Variants in FBXL7 observed in about 807,000 individuals in gnomAD.
The protein encoded by FBXL7 is F-box and leucine rich repeat protein 7.
FBXL7 carries 12 observed loss-of-function variants against 38.3 expected under a neutral mutation model. The observed-to-expected ratio is 0.31, with a 90% confidence interval of 0.20 to 0.51. The LOEUF is 0.51. FBXL7 is among the 20% of genes least tolerant of loss of function. The pLI is 0.98. For synonymous variants in FBXL7, 297 were observed against 300.9 expected, an observed-to-expected ratio of 0.99 and a Z score of 0.13; for missense variants, 567 against 676.4, an observed-to-expected ratio of 0.84 and a Z score of 1.79.
intron 2 of FBXL7, among the ~76,000 whole-genome samples, chr5:15,840,806 C>T (rs1039506013): frequency 1.4e-5 from 2 of 147,182 alleles, no homozygotes; most frequent in Non-Finnish European, 3.0e-5. Flanking sequence ...GAGATCACGC[C>T]ACTGCACTCC....
intron 2 of FBXL7, among the ~76,000 whole-genome samples, chr5:15,717,909 A>G (rs1271497484): frequency 3.3e-5 from 5 of 151,364 alleles, no homozygotes; most frequent in Non-Finnish European, 5.9e-5. Context: ...CCAGCTTTAT[A>G]GATAATTTTT....
At chr5:15,920,839 TC>T (rs750287239) in intron 2 of FBXL7, among the ~76,000 whole-genome samples, 48 of 152,216 alleles carry the variant, frequency 3.2e-4, no homozygotes, top group Admixed American at 5.2e-4. Flanking sequence ...TCTTTTTGTG[TC>T]TTTTGGTTGT....
chr5:15,850,951 C>T (rs1209647539), intron 2 of FBXL7, among the ~76,000 whole-genome samples: 1 of 152,202 alleles, frequency 6.6e-6, no homozygotes, highest in Non-Finnish European at 1.5e-5. Context: ...CTGTCGCCAG[C>T]ATGTAAGAAC....
At chr5:15,612,537 C>A (rs1740282396) in intron 1 of FBXL7, among the ~76,000 whole-genome samples, 1 of 152,080 alleles carries the variant, frequency 6.6e-6, no homozygotes. Flanking sequence ...TTATTTTGTG[C>A]TTTCATTTTC....
chr5:15,887,999 G>C (rs530828753), intron 2 of FBXL7, among the ~76,000 whole-genome samples: 2 of 152,238 alleles, frequency 1.3e-5, no homozygotes, highest in East Asian at 3.9e-4. Context: ...AGAACCAAAA[G>C]TTCAGAATAT....
At chr5:15,771,828 T>TG (rs1369568923) in intron 2 of FBXL7, among the ~76,000 whole-genome samples, 1 of 145,590 alleles carries the variant, frequency 6.9e-6, no homozygotes, top group African/African-American at 2.6e-5. Context: ...CAGGCTGGAG[T>TG]GCGATCTTGG....
At chr5:15,871,035 G>A (rs1739934801) in intron 2 of FBXL7, among the ~76,000 whole-genome samples, 1 of 152,212 alleles carries the variant, frequency 6.6e-6, no homozygotes, top group Non-Finnish European at 1.5e-5. Context: ...CCCAGCAGGA[G>A]CTGACAAACA....
chr5:15,734,990 G>C (rs1735708545), intron 2 of FBXL7, among the ~76,000 whole-genome samples: 1 of 152,132 alleles, frequency 6.6e-6, no homozygotes, highest in Admixed American at 6.6e-5. Flanking sequence ...GGAGTACAAG[G>C]GCATGATCTT....
At chr5:15,517,130 C>T (rs1312156919) in intron 1 of FBXL7, among the ~76,000 whole-genome samples, 3 of 151,884 alleles carry the variant, frequency 2.0e-5, no homozygotes, top group African/African-American at 4.8e-5. Flanking sequence ...GGGTTCACGC[C>T]ATTCTCCTGC....
intron 2 of FBXL7, among the ~76,000 whole-genome samples, chr5:15,743,606 G>A (rs796406104): frequency 3.3e-5 from 5 of 152,292 alleles, no homozygotes; most frequent in Non-Finnish European, 4.4e-5. Context: ...CAAGCTGTTC[G>A]TGGATATACC....
In FBXL7 at chr5:15,737,353, A is replaced by G. The variant is rs558198938; in HGVS notation, c.127+121281A>G. Among the ~76,000 whole-genome samples the G allele has an allele frequency of 4.6e-5, 7 of 152,338 alleles. No individual in the cohort carries two copies. In the South Asian group the frequency reaches 1.2e-3, roughly 27 times the overall value. On this transcript the variant is annotated intron_variant, in intron 2 of 3. Coordinates refer to ENST00000504595, the MANE Select transcript of FBXL7 (RefSeq NM_012304.5). ...ACAGTCTCCCTACAGATGTTCAACAAGTATTTTCATGAACAAGTGACTTCA... is the reference window on the plus strand; with the variant it reads ...ACAGTCTCCCTACAGATGTTCAACAGGTATTTTCATGAACAAGTGACTTCA...
chr5:15,656,144 G>A (rs921722408), intron 2 of FBXL7, among the ~76,000 whole-genome samples: 3 of 152,290 alleles, frequency 2.0e-5, no homozygotes, highest in Non-Finnish European at 4.4e-5. Context: ...ATAGAAACTG[G>A]AACTATCTGC....
chr5:15,641,681 T>C (rs1413179487), intron 2 of FBXL7, among the ~76,000 whole-genome samples: 1 of 151,958 alleles, frequency 6.6e-6, no homozygotes, highest in Non-Finnish European at 1.5e-5. Flanking sequence ...TGTGGGCGAG[T>C]CTCATCCAAT....
chr5:15,717,181 T>C (rs1744066633), intron 2 of FBXL7, among the ~76,000 whole-genome samples: 1 of 152,114 alleles, frequency 6.6e-6, no homozygotes, highest in African/African-American at 2.4e-5. Flanking sequence ...CCGGGGAAGG[T>C]CATATGCATT....
At position 15,739,495 on chromosome 5, in the gene FBXL7, C is replaced by CT. The variant is rs200048993; in HGVS notation, c.127+123431dup. On this transcript the variant is annotated intron_variant, in intron 2 of 3. Coordinates refer to ENST00000504595, the MANE Select transcript of FBXL7 (RefSeq NM_012304.5). ...CCGTCACCACAATCTAATTTTAGAA[C>CT]TTTTTTTTATCACAACAAGAAATCT... Among the ~76,000 whole-genome samples the CT allele has an allele frequency of 2.5e-3, 379 of 151,326 alleles. 3 individuals are homozygous for CT. The highest frequency in any genetic ancestry group is 5.3e-3 in the African/African-American group (219 of 41,280).
chr5:15,663,318 T>C (rs555805675), intron 2 of FBXL7, among the ~76,000 whole-genome samples: 1 of 152,282 alleles, frequency 6.6e-6, no homozygotes, highest in Admixed American at 6.5e-5. Context: ...TGTGGGTGTA[T>C]AGGAATGCTA....
At chr5:15,594,458 T>C (rs1198516129) in intron 1 of FBXL7, among the ~76,000 whole-genome samples, 3 of 152,236 alleles carry the variant, frequency 2.0e-5, no homozygotes, top group African/African-American at 7.2e-5. Context: ...GCGTGAATGA[T>C]GGGAGTACCC....
At chr5:15,817,781 A>G (rs756895509) in intron 2 of FBXL7, among the ~76,000 whole-genome samples, 1 of 152,192 alleles carries the variant, frequency 6.6e-6, no homozygotes, top group Non-Finnish European at 1.5e-5. Context: ...GCCATGTGGA[A>G]CTGCGAGTCC....
At chr5:15,617,944 G>GT (rs1008078136) in intron 2 of FBXL7, among the ~76,000 whole-genome samples, 28 of 152,150 alleles carry the variant, frequency 1.8e-4, no homozygotes, top group African/African-American at 6.7e-4. Context: ...TAAATAATCT[G>GT]TTTTTTTAAG....
Sources: allele counts gnomAD v4.1 joint callset (sites outside exome capture counted in the v4.1 genomes callset), GRCh38; gene constraint gnomAD v4.1.1; transcripts MANE v1.5; gene names NCBI Gene and HGNC (gene_info 2026-07-23, HGNC 2026-07-21).